Variants in ZNF431 observed in about 807,000 individuals in gnomAD.
ZNF431 encodes the protein zinc finger protein 431.
A neutral mutation model predicts 57.0 loss-of-function variants in ZNF431; 34 were observed. That is an observed-to-expected ratio of 0.60 (90% CI 0.45 to 0.79). The LOEUF (loss-of-function observed/expected upper bound fraction) is 0.79, where lower values mean the gene tolerates loss of function less well. Among genes scored for constraint, ZNF431 ranks in the 30% least tolerant of loss-of-function variants. ZNF431 has a pLI of 0.00. For missense variants in ZNF431, 607 were observed against 667.1 expected (o/e 0.91, Z 0.99); for synonymous variants, 207 against 220.3 (o/e 0.94, Z 0.54).
At chr19:21,146,618 G>A (rs957135501) in intron 2 of ZNF431, among the ~76,000 whole-genome samples, 2 of 152,112 alleles carry the variant, frequency 1.3e-5, no homozygotes, top group Non-Finnish European at 2.9e-5. Flanking sequence ...AAGCTGTCAT[G>A]ACACTTGTGG....
intron 2 of ZNF431, among the ~76,000 whole-genome samples, chr19:21,154,576 A>C (rs990855267): frequency 7.2e-5 from 11 of 152,120 alleles, no homozygotes; most frequent in South Asian, 4.1e-4. Context: ...CTAGTTCTAG[A>C]TCCCTGAGGA....
In ZNF431 at chr19:21,143,763, C is replaced by T. The variant is rs576583384; in HGVS notation, c.96+120C>T. 51 of 662,462 alleles carry T rather than the reference C, an allele frequency of 7.7e-5. No individual in the cohort carries two copies. In the African/African-American group the frequency reaches 8.8e-4, roughly 11 times the overall value. The allele number at this position is 662,462 out of a possible 1,614,324, so 41.0% of individuals were successfully genotyped here. On this transcript the variant is annotated intron_variant, in intron 2 of 4. Transcript: ENST00000311048. Reference sequence around the variant, plus strand: ...TGGGAAAACACAGAAATAATGTATGCCCCCTGGATTGTCTTAGGGGGCAGA... The same window carrying T: ...TGGGAAAACACAGAAATAATGTATGTCCCCTGGATTGTCTTAGGGGGCAGA...
rs996294730 is a variant in ZNF431, at chr19:21,167,691, A to T, written c.319+25A>T. The T allele has an allele frequency of 2.0e-6, 3 of 1,484,958 alleles. No individual in the cohort carries two copies. In the Admixed American group the frequency reaches 6.2e-5, roughly 31 times the overall value. The allele number at this position is 1,484,958 out of a possible 1,614,324, so 92.0% of individuals were successfully genotyped here. On this transcript the variant is annotated intron_variant, in intron 4 of 4. Coordinates refer to ENST00000311048, the MANE Select transcript of ZNF431 (RefSeq NM_133473.4). ...GGTAGGTGAGAGTGAAAAAAAACAG[A>T]TGACACAGATGAGAGGTCCAAAGCT... is the stretch of plus-strand genomic sequence containing the variant.
At chr19:21,176,645 G>A (rs1447885589) in intron 4 of ZNF431, among the ~76,000 whole-genome samples, 1 of 152,002 alleles carries the variant, frequency 6.6e-6, no homozygotes, top group Non-Finnish European at 1.5e-5. Flanking sequence ...TTGCAAAAAT[G>A]TTCTCCCATT....
rs1971485987 is a variant in ZNF431, at chr19:21,190,467, GT to G, written c.*6437del. On this transcript the variant is annotated 3_prime_UTR_variant, in exon 5 of 5. Coordinates refer to ENST00000311048, the MANE Select transcript of ZNF431 (RefSeq NM_133473.4). Reference sequence around the variant, plus strand: ...CACACCAACAGTGTGCAAGGATTCCGTTTTCTTCACATCTTTACCAACACTT... The same window carrying G: ...CACACCAACAGTGTGCAAGGATTCCGTTTCTTCACATCTTTACCAACACTT... 1 of 151,644 alleles carries G rather than the reference GT, an allele frequency of 6.6e-6. No individual in the cohort carries two copies. Among genetic ancestry groups the G allele is most frequent in the South Asian group, 2.1e-4 (1 of 4,828 alleles). 9.4% of individuals were successfully genotyped at this position (151,644 alleles called of 1,614,324 possible). A position where few individuals can be genotyped will look rare whatever the true frequency, so the allele number is the denominator to read the frequency against.
rs1491543136 is a variant in ZNF431 at position 21,187,454 on chromosome 19, AAG to A, written c.*3423_*3424del. 0.15 allele frequency: 3,060 copies of A among 20,054 alleles called. 109 individuals are homozygous for A. The highest frequency in any genetic ancestry group is 0.35 in the Middle Eastern group (9 of 26). 1.2% of individuals were successfully genotyped at this position (20,054 alleles called of 1,614,324 possible). On this transcript the variant is annotated 3_prime_UTR_variant, in exon 5 of 5. Transcript: ENST00000311048. ...CATATAAAAAAAAAAAAAAAAAAAAAAGAGCTGGGCGTGGTGGCTCACGCCTG... is the reference window on the plus strand; with the variant it reads ...CATATAAAAAAAAAAAAAAAAAAAAAAGCTGGGCGTGGTGGCTCACGCCTG...
At chr19:21,167,822 A>G (rs948208346) in intron 4 of ZNF431, among the ~76,000 whole-genome samples, 156 bp downstream of exon 4, 5 of 152,068 alleles carry the variant, frequency 3.3e-5, no homozygotes, top group South Asian at 4.1e-4. Flanking sequence ...TTTTTCTTAC[A>G]TAGGGACATC....
At chr19:21,149,938 G>A in intron 2 of ZNF431, 1 of 601,612 alleles carries the variant, frequency 1.7e-6, no homozygotes. Flanking sequence ...GGGCAGGCAA[G>A]AAGACAACCA....
At chr19:21,149,707 CCA>C (rs779723944) in intron 2 of ZNF431, 141 of 603,116 alleles carry the variant, frequency 2.3e-4, no homozygotes, top group Admixed American at 4.9e-4. Flanking sequence ...GCGATCTGAG[CCA>C]CAGACTTGAG....
intron 4 of ZNF431, among the ~76,000 whole-genome samples, chr19:21,179,619 G>A (rs1971158428): frequency 6.6e-6 from 1 of 151,112 alleles, no homozygotes; most frequent in South Asian, 2.1e-4. Flanking sequence ...GAGTGTAGTG[G>A]TGTGATCTCG....
chr19:21,185,842 T>G lies in ZNF431; in HGVS notation c.*1808T>G, dbSNP rs1178275846. The G allele has an allele frequency of 6.6e-6, 1 of 151,968 alleles. No homozygotes were observed. The highest frequency in any genetic ancestry group is 2.4e-5 in the African/African-American group (1 of 41,302). 9.4% of individuals were successfully genotyped at this position (151,968 alleles called of 1,614,324 possible). ...CATCCATCATCTGTAGCATTTCTCCTTTGTTTTACAAACAATCCAATTCTA... is the reference window on the plus strand; with the variant it reads ...CATCCATCATCTGTAGCATTTCTCCGTTGTTTTACAAACAATCCAATTCTA... On this transcript the variant is annotated 3_prime_UTR_variant, in exon 5 of 5. Coordinates refer to ENST00000311048, the MANE Select transcript of ZNF431 (RefSeq NM_133473.4).
intron 4 of ZNF431, among the ~76,000 whole-genome samples, chr19:21,174,609 G>C (rs1599609563): frequency 6.6e-6 from 1 of 152,158 alleles, no homozygotes; most frequent in East Asian, 1.9e-4. Context: ...TATTTGCATG[G>C]AATATAGATT....
intron 2 of ZNF431, among the ~76,000 whole-genome samples, chr19:21,153,211 TC>T (rs1970323699): frequency 6.6e-6 from 1 of 152,208 alleles, no homozygotes; most frequent in Non-Finnish European, 1.5e-5. Context: ...GTGGGTTTTA[TC>T]CAGCTTCTAT....
In ZNF431 at chr19:21,182,655, C is replaced by T. The variant is rs530725722; in HGVS notation, c.352C>T (p.Pro118Ser). The change falls in exon 5 of 5, where the codon CCA becomes TCA. Residue 118 changes from proline to serine, a missense_variant. Physicochemically the swap from Pro to Ser is moderately conservative, Grantham distance 74. Coordinates refer to ENST00000311048, the MANE Select transcript of ZNF431 (RefSeq NM_133473.4). The stretch of plus-strand genomic sequence containing the variant: ...TTCTTATTTTACCAAAGACCTTTGG[C>T]CAGAGCAAGACATAAAAGATTCTTT... The part of the protein sequence containing the change: ...MCSYFTKDLW[P>S]EQDIKDSFQQ... 15 of 1,608,598 alleles carry T rather than the reference C, an allele frequency of 9.3e-6. No individual in the cohort carries two copies. In the South Asian group the frequency reaches 1.4e-4, roughly 16 times the overall value.
intron 2 of ZNF431, among the ~76,000 whole-genome samples, chr19:21,163,748 G>C (rs1041145273): frequency 6.6e-6 from 1 of 152,034 alleles, no homozygotes; most frequent in African/African-American, 2.4e-5. Flanking sequence ...TTGAACTCCA[G>C]ACCTCAGGTG....
At chr19:21,164,993 C>G (rs1307811658) in intron 2 of ZNF431, among the ~76,000 whole-genome samples, 1 of 151,310 alleles carries the variant, frequency 6.6e-6, no homozygotes, top group Non-Finnish European at 1.5e-5. Flanking sequence ...GCCTGTCATC[C>G]TAGCTACTAG....
chr19:21,177,811 G>C (rs1016634352), intron 4 of ZNF431, among the ~76,000 whole-genome samples: 1 of 151,842 alleles, frequency 6.6e-6, no homozygotes, highest in Non-Finnish European at 1.5e-5. Context: ...AATTATCTTG[G>C]CTAGATGGGG....
At position 21,189,550 on chromosome 19, in the gene ZNF431, C is replaced by G. The variant is rs1295157194; in HGVS notation, c.*5516C>G. ...ACCACATGACACTGTCATCATTTTT[C>G]AAAAATCCAAATACATTATTATGAA... On this transcript the variant is annotated 3_prime_UTR_variant, in exon 5 of 5. Transcript: ENST00000311048. 5.2e-6 allele frequency: 1 copy of G among 192,412 alleles called. No homozygotes were observed. Among genetic ancestry groups the G allele is most frequent in the Non-Finnish European group, 1.0e-5 (1 of 95,420 alleles). 11.9% of individuals were successfully genotyped at this position (192,412 alleles called of 1,614,324 possible).
rs1351207252 is a variant in ZNF431 at position 21,187,499 on chromosome 19, G to T, written c.*3465G>T. ...CACGCCTGTAATCCCAGCACTTTGG[G>T]AGGCCAAGGTGGGCGAATCACTTGA... On this transcript the variant is annotated 3_prime_UTR_variant, in exon 5 of 5. Coordinates refer to ENST00000311048, the MANE Select transcript of ZNF431 (RefSeq NM_133473.4). 6.6e-6 allele frequency: 1 copy of T among 151,192 alleles called. No homozygotes were observed. Among genetic ancestry groups the T allele is most frequent in the Non-Finnish European group, 1.5e-5 (1 of 67,868 alleles). 9.4% of individuals were successfully genotyped at this position (151,192 alleles called of 1,614,324 possible). A position where few individuals can be genotyped will look rare whatever the true frequency, so the allele number is the denominator to read the frequency against.
Sources: gnomAD v4.1 joint callset for allele counts (sites outside exome capture counted in the v4.1 genomes callset) on GRCh38, gnomAD v4.1.1 for gene constraint, MANE v1.5 for transcripts, NCBI Gene and HGNC (gene_info 2026-07-23, HGNC 2026-07-21) for gene names.